KALRN: variants seen among roughly 807,000 people sequenced by gnomAD.
KALRN encodes kalirin.
In KALRN, 70 loss-of-function variants were observed where a neutral mutation model predicts 353.7. That is an observed-to-expected ratio of 0.20 (90% CI 0.16 to 0.24). The LOEUF (loss-of-function observed/expected upper bound fraction) is 0.24. Ranked by LOEUF, KALRN falls within the 10% of genes least tolerant of loss-of-function variation. The probability of loss-of-function intolerance (pLI) is 1.00; values close to 1 mark genes in which losing one functional copy is unlikely to be tolerated. For missense variants in KALRN, 2,791 were observed against 3,756.7 expected (o/e 0.74, Z 6.72); for synonymous variants, 1,391 against 1,434.8 (o/e 0.97, Z 0.69).
intron 10 of KALRN, among the ~76,000 whole-genome samples, chr3:124,379,699 GC>G (rs1381674936): frequency 6.6e-6 from 1 of 152,180 alleles, no homozygotes; most frequent in Non-Finnish European, 1.5e-5. Context: ...CTGTATGAGT[GC>G]TAGGCACTGT....
chr3:124,419,994 G>A (rs2092703721), intron 14 of KALRN, among the ~76,000 whole-genome samples: 1 of 152,140 alleles, frequency 6.6e-6, no homozygotes, highest in Non-Finnish European at 1.5e-5. Context: ...CAGTGTGTTT[G>A]GGGGCAGTGG....
At chr3:124,172,786 G>C (rs1176878385) in intron 1 of KALRN, among the ~76,000 whole-genome samples, 2 of 151,918 alleles carry the variant, frequency 1.3e-5, no homozygotes, top group African/African-American at 4.8e-5. Context: ...GAAGTAATGG[G>C]GTAAGACCAT....
chr3:124,710,841 A>G (rs572707209), intron 57 of KALRN, among the ~76,000 whole-genome samples: 1 of 152,324 alleles, frequency 6.6e-6, no homozygotes, highest in Admixed American at 6.5e-5. Flanking sequence ...AAGATAGTTG[A>G]CTTTTTAAAC....
intron 9 of KALRN, among the ~76,000 whole-genome samples, chr3:124,335,050 C>T (rs2080992662): frequency 6.6e-6 from 1 of 152,164 alleles, no homozygotes; most frequent in Non-Finnish European, 1.5e-5. Flanking sequence ...CCGCCTCGGC[C>T]TCCCAAAGTG....
intron 1 of KALRN, among the ~76,000 whole-genome samples, chr3:124,189,566 G>A (rs1266084176): frequency 3.3e-5 from 5 of 152,202 alleles, no homozygotes; most frequent in Admixed American, 6.5e-5. Context: ...ACTTTGGGAA[G>A]CCGAGGCGGG....
At chr3:124,171,631 G>A (rs2071851107) in intron 1 of KALRN, among the ~76,000 whole-genome samples, 1 of 152,168 alleles carries the variant, frequency 6.6e-6, no homozygotes, top group South Asian at 2.1e-4. Flanking sequence ...GGGAAAAAAG[G>A]CAGTCACATT....
Position 124,482,466 on chromosome 3 carries a change from C to T in KALRN, c.4192-342C>T, listed in dbSNP as rs541169204. Among the ~76,000 whole-genome samples the T allele has an allele frequency of 2.6e-5, 4 of 152,268 alleles. No homozygotes were observed. The East Asian group carries it at 7.7e-4, about 29-fold the overall frequency. Reference sequence around the variant, plus strand: ...TTTTTGGAACTGATTTCCTTTTACTCCTACTTCATCTCTCCTTACCCTCCG... The same window carrying T: ...TTTTTGGAACTGATTTCCTTTTACTTCTACTTCATCTCTCCTTACCCTCCG... On this transcript the variant is annotated intron_variant, in intron 27 of 59. Transcript: ENST00000682506.
At chr3:124,476,385 T>C (rs1202039848) in intron 26 of KALRN, among the ~76,000 whole-genome samples, 3 of 151,532 alleles carry the variant, frequency 2.0e-5, no homozygotes, top group Non-Finnish European at 4.4e-5. Context: ...CAGAACTCAC[T>C]GTATAGAGGT....
intron 58 of KALRN, 86 bp from the exon 59 acceptor site, chr3:124,717,161 A>C: frequency 1.5e-6 from 2 of 1,292,724 alleles, no homozygotes; most frequent in Non-Finnish European, 2.1e-6. Flanking sequence ...GAGAGAGTTT[A>C]GAGATCTTAC....
In KALRN at chr3:124,232,880, G is replaced by A. The variant is rs62262787; in HGVS notation, c.149-1949G>A. Among the ~76,000 whole-genome samples the A allele has an allele frequency of 2.2e-3, 329 of 150,232 alleles. 7 individuals are homozygous for A. Among genetic ancestry groups the A allele is most frequent in the Non-Finnish European group, 4.3e-4 (29 of 67,582 alleles). ...CCAAGTTTCTCAGGAGTGTCAGACA[G>A]GGAAAAAAAAAAGCAGAAACTTGAT... On this transcript the variant is annotated intron_variant, in intron 2 of 59. Coordinates refer to ENST00000682506, the MANE Select transcript of KALRN (RefSeq NM_001388419.1).
chr3:124,418,866 A>G (rs566617376), intron 14 of KALRN, among the ~76,000 whole-genome samples: 30 of 152,220 alleles, frequency 2.0e-4, no homozygotes, highest in African/African-American at 5.8e-4. Flanking sequence ...TTTAAGACTT[A>G]CTAATGGTCG....
chr3:124,386,892 A>G (rs2088429803), intron 11 of KALRN, among the ~76,000 whole-genome samples: 2 of 152,218 alleles, frequency 1.3e-5, no homozygotes, highest in Admixed American at 1.3e-4. Flanking sequence ...ATCTTATGAT[A>G]TAGATTTTAT....
chr3:124,051,728 G>A (rs974525983), intron 1 of KALRN, among the ~76,000 whole-genome samples: 14 of 152,190 alleles, frequency 9.2e-5, no homozygotes, highest in Non-Finnish European at 1.6e-4. Context: ...TAGGGGCTGT[G>A]AGCAGTATTT....
chr3:124,717,248 A>T lies in KALRN; in HGVS notation c.8278A>T (p.Met2760Leu). The T allele has an allele frequency of 6.3e-7, 1 of 1,593,886 alleles. No homozygotes were observed. Among genetic ancestry groups the T allele is most frequent in the Non-Finnish European group, 8.5e-7 (1 of 1,171,456 alleles). ...TTGCCTTTCCCTGCCTACTTTCAGG[A>T]TGGATGATGGCCGGCTCTTAGACTA... ...PTSYILILEL[M>L]DDGRLLDYLM... is the part of the protein sequence containing the mutation. Residue 2760 changes from methionine to leucine, a missense_variant and splice_region_variant, in exon 59 of 60, where the codon ATG becomes TTG. Around this residue, in one of 11 missense-constraint regions of KALRN, gnomAD observed 188 missense variants for 402.9 expected, o/e 0.47. Transcript: ENST00000682506.
intron 1 of KALRN, among the ~76,000 whole-genome samples, chr3:124,161,133 A>G (rs939842905): frequency 2.6e-5 from 4 of 152,210 alleles, no homozygotes; most frequent in Non-Finnish European, 5.9e-5. Flanking sequence ...TCAATAATAT[A>G]TGCTATCTAT....
rs573227442 is a variant in KALRN, at chr3:124,234,855, A to G, written c.175A>G (p.Ile59Val). Reference protein sequence around the residue: ...SGGRDKRGGPILTFPARSNHD... With the variant: ...SGGRDKRGGPVLTFPARSNHD... ...GGGTCGTGATAAGCGAGGCGGACCCATCCTGACCTTCCCTGCTCGCAGCAA... is the reference window on the plus strand; with the variant it reads ...GGGTCGTGATAAGCGAGGCGGACCCGTCCTGACCTTCCCTGCTCGCAGCAA... The change falls in exon 3 of 60, where the codon ATC becomes GTC. Residue 59 changes from isoleucine (I) to valine (V), a missense_variant. Physicochemically the swap from Ile to Val is conservative, Grantham distance 29 (BLOSUM62 3). Transcript: ENST00000682506. 6.2e-7 allele frequency: 1 copy of G among 1,607,046 alleles called. No homozygotes were observed. Among genetic ancestry groups the G allele is most frequent in the Admixed American group, 1.7e-5 (1 of 59,394 alleles).
At chr3:124,184,357 C>A (rs1005283104) in intron 1 of KALRN, among the ~76,000 whole-genome samples, 3 of 152,172 alleles carry the variant, frequency 2.0e-5, no homozygotes, top group Non-Finnish European at 4.4e-5. Flanking sequence ...ATTACATAAG[C>A]ATTAGGTATT....
intron 5 of KALRN, among the ~76,000 whole-genome samples, chr3:124,283,618 G>C (rs539864929): frequency 6.6e-6 from 1 of 152,246 alleles, no homozygotes; most frequent in Admixed American, 6.5e-5. Context: ...AGGGAATAAA[G>C]TGCATCCAGG....
intron 11 of KALRN, among the ~76,000 whole-genome samples, chr3:124,391,506 A>C (rs2089376392): frequency 6.6e-6 from 1 of 152,220 alleles, no homozygotes; most frequent in Non-Finnish European, 1.5e-5. Flanking sequence ...CTGACTGCTT[A>C]ATAATCAGTG....
Sources: allele counts gnomAD v4.1 joint callset (sites outside exome capture counted in the v4.1 genomes callset), GRCh38; gene constraint gnomAD v4.1.1; regional missense constraint gnomAD v4.1.1; transcripts MANE v1.5; gene names NCBI Gene and HGNC (gene_info 2026-07-23, HGNC 2026-07-21).